Variants in TRPM3 observed in about 807,000 individuals in gnomAD.
TRPM3 encodes the protein transient receptor potential cation channel subfamily M member 3.
TRPM3 carries 77 observed loss-of-function variants against 181.2 expected under a neutral mutation model. The observed-to-expected ratio is 0.42, with a 90% confidence interval of 0.35 to 0.51. The LOEUF (loss-of-function observed/expected upper bound fraction) is 0.51. Ranked by LOEUF, TRPM3 falls within the 20% of genes least tolerant of loss-of-function variation. The probability of loss-of-function intolerance (pLI) is 0.01; values close to 1 mark genes in which losing one functional copy is unlikely to be tolerated. For missense variants in TRPM3, 1,759 were observed against 2,196.7 expected (o/e 0.80, Z 3.98); for synonymous variants, 745 against 796.4 (o/e 0.94, Z 1.09).
chr9:70,791,504 T>G (rs2085395064), intron 6 of TRPM3, among the ~76,000 whole-genome samples: 1 of 152,202 alleles, frequency 6.6e-6, no homozygotes, highest in Non-Finnish European at 1.5e-5. Context: ...TCTTTTTCTC[T>G]TATTACCAGT....
chr9:71,106,326 G>GT (rs2069559908), intron 1 of TRPM3, among the ~76,000 whole-genome samples: 1 of 152,094 alleles, frequency 6.6e-6, no homozygotes, highest in Non-Finnish European at 1.5e-5. Flanking sequence ...CCGGGGGGAG[G>GT]TATTTTGGTC....
chr9:70,804,896 C>T (rs1372409765), intron 6 of TRPM3, among the ~76,000 whole-genome samples: 1 of 152,122 alleles, frequency 6.6e-6, no homozygotes, highest in Non-Finnish European at 1.5e-5. Context: ...AGGAATTATG[C>T]AGGCAACTTG....
chr9:70,842,876 G>C, intron 5 of TRPM3, 127 bp downstream of exon 5: 1 of 873,224 alleles, frequency 1.1e-6, no homozygotes, highest in Non-Finnish European at 1.7e-6. Flanking sequence ...TCCTTAACAT[G>C]TTTCATTTTA....
intron 1 of TRPM3, among the ~76,000 whole-genome samples, chr9:71,365,539 A>AT (rs1214253986): frequency 6.6e-6 from 1 of 152,188 alleles, no homozygotes; most frequent in Non-Finnish European, 1.5e-5. Context: ...ACGGATTATG[A>AT]TTTTAGAGAT....
At chr9:70,924,933 A>G (rs994131962) in intron 1 of TRPM3, among the ~76,000 whole-genome samples, 2 of 152,194 alleles carry the variant, frequency 1.3e-5, no homozygotes, top group African/African-American at 2.4e-5. Flanking sequence ...AAGGAGAAGG[A>G]GAAGATGATG....
At chr9:71,247,757 C>A (rs1412304248) in intron 1 of TRPM3, among the ~76,000 whole-genome samples, 1 of 152,110 alleles carries the variant, frequency 6.6e-6, no homozygotes, top group Admixed American at 6.6e-5. Context: ...AGATCAGACT[C>A]CTTTCTGCTG....
Position 70,750,887 on chromosome 9 carries a change from T to C in TRPM3, c.1272+10714A>G, listed in dbSNP as rs151198843. Among the ~76,000 whole-genome samples the C allele has an allele frequency of 8.3e-4, 126 of 151,838 alleles. 2 individuals are homozygous for C. The East Asian group carries it at 0.023, about 27-fold the overall frequency. The stretch of plus-strand genomic sequence containing the variant: ...CAAGCTGTAAGTATGGTTGGAGAGA[T>C]TGAGAGAGCAAGGTTAAGGCCAGAA... On this transcript the variant is annotated intron_variant, in intron 8 of 25. Transcript: ENST00000677713.
At chr9:70,760,137 T>C (rs1334156794) in intron 8 of TRPM3, among the ~76,000 whole-genome samples, 2 of 151,962 alleles carry the variant, frequency 1.3e-5, no homozygotes, top group African/African-American at 2.4e-5. Flanking sequence ...AACAGTCCCA[T>C]GAAATACCTA....
rs144233936 is a variant in TRPM3, at chr9:70,660,342, C to A, written c.1346-19682G>T. Among the ~76,000 whole-genome samples the A allele has an allele frequency of 9.2e-5, 14 of 152,192 alleles. No homozygotes were observed. In the East Asian group the frequency reaches 2.7e-3, roughly 29 times the overall value. The stretch of plus-strand genomic sequence containing the variant: ...GATTACCTCCTTTGGAGAGGCTAAT[C>A]AGAAACTCAAAAGAATGCAACCGTT... On this transcript the variant is annotated intron_variant, in intron 9 of 25. Transcript: ENST00000677713.
At chr9:71,422,619 T>G (rs2093797374) in intron 1 of TRPM3, among the ~76,000 whole-genome samples, 1 of 152,072 alleles carries the variant, frequency 6.6e-6, no homozygotes, top group South Asian at 2.1e-4. Flanking sequence ...TAGTAGTATA[T>G]ATACAAAAAC....
chr9:71,319,883 T>C (rs902037571), intron 1 of TRPM3, among the ~76,000 whole-genome samples: 1 of 152,140 alleles, frequency 6.6e-6, no homozygotes, highest in Non-Finnish European at 1.5e-5. Context: ...TTCTTGCTGG[T>C]TCCTGAGATA....
At chr9:71,441,383 G>A (rs531861674) in intron 1 of TRPM3, among the ~76,000 whole-genome samples, 1 of 152,140 alleles carries the variant, frequency 6.6e-6, no homozygotes, top group South Asian at 2.1e-4. Flanking sequence ...TACAGTAATG[G>A]GCTAGCACTG....
At chr9:71,388,246 AC>A (rs1415647017) in intron 1 of TRPM3, among the ~76,000 whole-genome samples, 8 of 152,220 alleles carry the variant, frequency 5.3e-5, no homozygotes, top group Non-Finnish European at 1.2e-4. Context: ...ACATAGACAC[AC>A]AAAGTTTAGA....
At chr9:71,442,494 A>G (rs1339685035) in intron 1 of TRPM3, among the ~76,000 whole-genome samples, 1 of 152,238 alleles carries the variant, frequency 6.6e-6, no homozygotes, top group Non-Finnish European at 1.5e-5. Context: ...AGGAGAAAAA[A>G]GAATATAAAT....
chr9:70,831,583 T>C (rs1382760636), intron 5 of TRPM3, among the ~76,000 whole-genome samples: 1 of 151,976 alleles, frequency 6.6e-6, no homozygotes, highest in Non-Finnish European at 1.5e-5. Flanking sequence ...ATGATCCAGG[T>C]TATGTACTAT....
intron 1 of TRPM3, among the ~76,000 whole-genome samples, chr9:71,228,314 G>T (rs1340271365): frequency 6.6e-6 from 1 of 152,078 alleles, no homozygotes; most frequent in Non-Finnish European, 1.5e-5. Flanking sequence ...AATGGGTATA[G>T]AAGGAGTAAA....
intron 1 of TRPM3, among the ~76,000 whole-genome samples, chr9:71,041,915 T>A (rs2132969599): frequency 6.6e-6 from 1 of 152,284 alleles, no homozygotes; most frequent in Middle Eastern, 3.4e-3. Context: ...TCTCTTATAT[T>A]GTCCCCTCTG....
chr9:71,244,370 G>A (rs1198367328), intron 1 of TRPM3, among the ~76,000 whole-genome samples: 1 of 152,158 alleles, frequency 6.6e-6, no homozygotes, highest in Non-Finnish European at 1.5e-5. Context: ...CCTCAAATGA[G>A]TGAGTGGCAG....
At chr9:71,385,010 T>A (rs2092893728) in intron 1 of TRPM3, among the ~76,000 whole-genome samples, 1 of 152,192 alleles carries the variant, frequency 6.6e-6, no homozygotes, top group South Asian at 2.1e-4. Context: ...AAATGTTGCA[T>A]CTTCTGAGAT....
Sources: allele counts gnomAD v4.1 joint callset (sites outside exome capture counted in the v4.1 genomes callset), GRCh38; gene constraint gnomAD v4.1.1; transcripts MANE v1.5; gene names NCBI Gene and HGNC (gene_info 2026-07-23, HGNC 2026-07-21).